NIPAL2: variants seen among roughly 807,000 people sequenced by gnomAD.
NIPAL2 encodes NIPA like domain containing 2.
Under a neutral mutation model 48.9 loss-of-function variants are expected in NIPAL2, and 43 were observed. The ratio of observed to expected loss-of-function variants is 0.88; its 90% CI spans 0.69 to 1.13. The LOEUF is 1.13. Ranked by LOEUF, NIPAL2 falls within the 50% of genes most tolerant of loss-of-function variation. The pLI, the probability that NIPAL2 is intolerant of heterozygous loss-of-function variation, is 0.00. For synonymous variants in NIPAL2, 167 were observed against 174.6 expected, an observed-to-expected ratio of 0.96 and a Z score of 0.34; for missense variants, 446 against 461.4, an observed-to-expected ratio of 0.97 and a Z score of 0.31.
At chr8:98,221,585 G>A (rs62522248) in intron 5 of NIPAL2, among the ~76,000 whole-genome samples, 10,499 of 152,022 alleles carry the variant, frequency 0.069, 484 homozygotes, top group East Asian at 0.12. Context: ...TGGGATACAT[G>A]TGCAGAATGT....
intron 1 of NIPAL2, among the ~76,000 whole-genome samples, chr8:98,265,924 C>T (rs1255954535): frequency 5.9e-5 from 9 of 151,808 alleles, no homozygotes; most frequent in East Asian, 1.9e-4. Flanking sequence ...AAATGTGGCA[C>T]ATATACACCA....
At chr8:98,262,104 G>A (rs1464245502) in intron 1 of NIPAL2, among the ~76,000 whole-genome samples, 2 of 140,918 alleles carry the variant, frequency 1.4e-5, no homozygotes, top group Non-Finnish European at 3.1e-5. Context: ...CACCAGGCCT[G>A]CCCTAAAAGA....
At chr8:98,278,264 C>G (rs1815599599) in intron 1 of NIPAL2, among the ~76,000 whole-genome samples, 2 of 152,034 alleles carry the variant, frequency 1.3e-5, no homozygotes, top group Non-Finnish European at 2.9e-5. Flanking sequence ...TGCAATTTTA[C>G]TACAGTTTCT....
At chr8:98,285,708 T>TCAGTTA (rs1816116065) in intron 1 of NIPAL2, among the ~76,000 whole-genome samples, 1 of 152,284 alleles carries the variant, frequency 6.6e-6, no homozygotes, top group Non-Finnish European at 1.5e-5. Context: ...CTTATTTAAG[T>TCAGTTA]CAGTTAAAGT....
intron 1 of NIPAL2, among the ~76,000 whole-genome samples, chr8:98,258,432 C>T (rs1814038619): frequency 6.6e-6 from 1 of 152,120 alleles, no homozygotes; most frequent in African/African-American, 2.4e-5. Flanking sequence ...TCAGAGTGTG[C>T]TTTGACTTGG....
chr8:98,236,405 G>A (rs1399461725), intron 3 of NIPAL2, among the ~76,000 whole-genome samples, 191 bp from the exon 4 acceptor site: 1 of 152,164 alleles, frequency 6.6e-6, no homozygotes, highest in African/African-American at 2.4e-5. Flanking sequence ...AATTGGTGTG[G>A]TTTACAATGG....
At chr8:98,284,754 T>C (rs1425875548) in intron 1 of NIPAL2, among the ~76,000 whole-genome samples, 3 of 152,104 alleles carry the variant, frequency 2.0e-5, no homozygotes, top group South Asian at 4.2e-4. Flanking sequence ...TTGAATGAGA[T>C]ATTCACAATG....
At chr8:98,285,250 G>A (rs185466111) in intron 1 of NIPAL2, among the ~76,000 whole-genome samples, 46 of 152,270 alleles carry the variant, frequency 3.0e-4, no homozygotes, top group Admixed American at 1.5e-3. Context: ...ATCCATAGGA[G>A]GAGGACTTGA....
chr8:98,213,315 T>C (rs905084568), intron 5 of NIPAL2, among the ~76,000 whole-genome samples: 9 of 152,244 alleles, frequency 5.9e-5, no homozygotes, highest in Non-Finnish European at 1.2e-4. Flanking sequence ...CAGTTTATTT[T>C]TGCATGTTTG....
In NIPAL2 at chr8:98,252,601, G is replaced by T; in HGVS notation, c.238C>A (p.His80Asn). 3 of 1,612,816 alleles carry T rather than the reference G, an allele frequency of 1.9e-6. No homozygotes were observed. The highest frequency in any genetic ancestry group is 2.5e-6 in the Non-Finnish European group (3 of 1,179,688). The change falls in exon 3 of 11, where the codon CAC becomes AAC. Residue 80 changes from histidine (H) to asparagine (N), a missense_variant. By Grantham distance (68) the His-to-Asn change is moderately conservative. Transcript: ENST00000430223. ...ACACTCTTGAAGTATGGCCTTGGGT[G>T]CTCTTGTTGTGCCAGCTGAAGGTGA... ...YSHLQLAQQEHPRPYFKSVLW... is the reference protein window; with the variant it reads ...YSHLQLAQQENPRPYFKSVLW...
In NIPAL2 at chr8:98,193,035, A is replaced by G; in HGVS notation, c.1095T>C (p.Thr365=). The change falls in exon 11 of 11, where the codon ACT becomes ACC. Residue 365 remains threonine, a synonymous_variant. Coordinates refer to ENST00000430223, the MANE Select transcript of NIPAL2 (RefSeq NM_001321635.2). ...QPDSHSLSYG[T]LPDGSDSTKS... is the part of the protein sequence containing the mutation. The stretch of plus-strand genomic sequence containing the variant: ...TTGTTGAGTCACTTCCATCAGGCAA[A>G]GTTCCATAGGATAAGCTATGTGAAT... 2 of 1,614,172 alleles carry G rather than the reference A, an allele frequency of 1.2e-6. No individual in the cohort carries two copies.
At chr8:98,234,549 AT>A (rs1359515896) in intron 4 of NIPAL2, among the ~76,000 whole-genome samples, 2 of 150,870 alleles carry the variant, frequency 1.3e-5, no homozygotes, top group African/African-American at 2.4e-5. Flanking sequence ...GGTATTGGTC[AT>A]TTTTTTTTCT....
chr8:98,260,801 T>A (rs1253437361), intron 1 of NIPAL2, among the ~76,000 whole-genome samples: 1 of 152,232 alleles, frequency 6.6e-6, no homozygotes, highest in Non-Finnish European at 1.5e-5. Context: ...CCTGCCTGCC[T>A]CTGTAGGCTC....
chr8:98,232,159 G>A (rs888074830), intron 4 of NIPAL2, among the ~76,000 whole-genome samples: 3 of 152,146 alleles, frequency 2.0e-5, no homozygotes, highest in Middle Eastern at 3.2e-3. Flanking sequence ...AGTGGGTTAC[G>A]ACATCTCAGA....
At chr8:98,221,878 A>G (rs940524356) in intron 5 of NIPAL2, among the ~76,000 whole-genome samples, 1 of 152,244 alleles carries the variant, frequency 6.6e-6, no homozygotes, top group African/African-American at 2.4e-5. Flanking sequence ...CAGTGTGGCG[A>G]TTCCTCAAGG....
At chr8:98,264,459 A>G (rs546267380) in intron 1 of NIPAL2, among the ~76,000 whole-genome samples, 1 of 149,300 alleles carries the variant, frequency 6.7e-6, no homozygotes. Flanking sequence ...AATGTACAAA[A>G]ATCACAAGCA....
At chr8:98,193,225 G>T (rs1231058222) in intron 10 of NIPAL2, 135 bp from the exon 11 acceptor site, 12 of 1,038,384 alleles carry the variant, frequency 1.2e-5, no homozygotes, top group Middle Eastern at 4.2e-4. Context: ...GAGAAGAGAT[G>T]AATATCAAGG....
chr8:98,287,347 C>T (rs1043790264), intron 1 of NIPAL2, among the ~76,000 whole-genome samples: 2 of 152,034 alleles, frequency 1.3e-5, no homozygotes, highest in African/African-American at 2.4e-5. Flanking sequence ...CTTAGTACTT[C>T]GAGATATCAA....
intron 6 of NIPAL2, among the ~76,000 whole-genome samples, chr8:98,208,917 T>G (rs1041897303): frequency 6.6e-6 from 1 of 152,170 alleles, no homozygotes; most frequent in Non-Finnish European, 1.5e-5. Context: ...GGATACAACA[T>G]GACTTTCATA....
Sources: allele counts gnomAD v4.1 joint callset (sites outside exome capture counted in the v4.1 genomes callset), GRCh38; gene constraint gnomAD v4.1.1; transcripts MANE v1.5; gene names NCBI Gene and HGNC (gene_info 2026-07-23, HGNC 2026-07-21).